SCUBE1: variants seen among roughly 807,000 people sequenced by gnomAD.
The protein encoded by SCUBE1 is signal peptide, CUB and EGF-like domain-containing protein 1.
A neutral mutation model predicts 124.4 loss-of-function variants in SCUBE1; 59 were observed. The observed-to-expected ratio is 0.47, with a 90% CI of 0.38 to 0.59. SCUBE1 has a LOEUF of 0.59. Among genes scored for constraint, SCUBE1 ranks in the 20% least tolerant of loss-of-function variants. SCUBE1 has a pLI of 0.00. For synonymous variants in SCUBE1, 545 were observed against 550.9 expected (o/e 0.99, Z 0.15); for missense variants, 1,150 against 1,371.2 (o/e 0.84, Z 2.55).
chr22:43,288,171 T>C (rs1286045765), intron 4 of SCUBE1, among the ~76,000 whole-genome samples: 2 of 152,194 alleles, frequency 1.3e-5, no homozygotes, highest in Non-Finnish European at 2.9e-5. Flanking sequence ...TTAATGCAGA[T>C]TGGGACTGAG....
rs756192107 is a variant in SCUBE1 at position 43,218,388 on chromosome 22, G to C, written c.1758C>G (p.Arg586=). The C allele has an allele frequency of 1.8e-5, 29 of 1,613,404 alleles. No individual in the cohort carries two copies. The highest frequency in any genetic ancestry group is 2.4e-5 in the Non-Finnish European group (28 of 1,180,050). ...QSLQAAIKTL[R]KSIGRQQFYV... is the part of the protein sequence containing the mutation. ...AGAACTGCTGCCGGCCGATGGACTTGCGCAGGGTCTTGATGGCGGCCTGCA... is the reference window on the plus strand; with the variant it reads ...AGAACTGCTGCCGGCCGATGGACTTCCGCAGGGTCTTGATGGCGGCCTGCA... The change falls in exon 15 of 22, where the codon CGC becomes CGG. Residue 586 remains arginine (R), a synonymous_variant. Transcript: ENST00000360835.
chr22:43,304,332 CT>C (rs1182434530), intron 3 of SCUBE1, among the ~76,000 whole-genome samples: 3 of 152,384 alleles, frequency 2.0e-5, no homozygotes, highest in African/African-American at 7.2e-5. Context: ...AGGCACCACA[CT>C]GGTGCATGGG....
intron 2 of SCUBE1, among the ~76,000 whole-genome samples, chr22:43,337,861 A>C (rs1478009559): frequency 6.6e-6 from 1 of 152,120 alleles, no homozygotes; most frequent in East Asian, 1.9e-4. Flanking sequence ...CAAATATCAA[A>C]CTTGGAAAAA....
rs1002875845 is a variant in SCUBE1 at position 43,273,361 on chromosome 22, G to A, written c.485-10516C>T. Among the ~76,000 whole-genome samples, 4 of 152,214 alleles carry A rather than the reference G, an allele frequency of 2.6e-5. No individual in the cohort carries two copies. In the South Asian group the frequency reaches 8.3e-4, roughly 32 times the overall value. On this transcript the variant is annotated intron_variant, in intron 4 of 21. Transcript: ENST00000360835. ...CCTAGAAAGCTGCCTCTGTGAAATG[G>A]GAGGTGGTTCTGTCTCTGACAGTTG...
chr22:43,331,282 A>G (rs923770534), intron 2 of SCUBE1, among the ~76,000 whole-genome samples: 1 of 152,192 alleles, frequency 6.6e-6, no homozygotes, highest in African/African-American at 2.4e-5. Flanking sequence ...TAATTTTGTG[A>G]TATCTGATGG....
intron 15 of SCUBE1, among the ~76,000 whole-genome samples, chr22:43,215,206 GC>G (rs1913103906): frequency 1.3e-5 from 2 of 152,220 alleles, no homozygotes; most frequent in African/African-American, 4.8e-5. Context: ...GAGGCTCGCA[GC>G]ATGTGTGTGG....
In SCUBE1 at chr22:43,203,923, T is replaced by C. The variant is rs576747519; in HGVS notation, c.*74A>G. The C allele has an allele frequency of 9.3e-6, 14 of 1,505,468 alleles. No homozygotes were observed. In the South Asian group the frequency reaches 1.3e-4, roughly 14 times the overall value. 93.3% of individuals were successfully genotyped at this position (1,505,468 alleles called of 1,614,324 possible). A position where few individuals can be genotyped will look rare whatever the true frequency, so the allele number is the denominator to read the frequency against. On this transcript the variant is annotated 3_prime_UTR_variant, in exon 22 of 22. Coordinates refer to ENST00000360835, the MANE Select transcript of SCUBE1 (RefSeq NM_173050.5). ...GTTCCCAAGGTGGTGTGGAGGCCCATGCAGCTCCCACTGTGGAGGGCAGGT... is the reference window on the plus strand; with the variant it reads ...GTTCCCAAGGTGGTGTGGAGGCCCACGCAGCTCCCACTGTGGAGGGCAGGT...
chr22:43,289,744 C>T (rs1381067550), intron 4 of SCUBE1, among the ~76,000 whole-genome samples: 1 of 152,206 alleles, frequency 6.6e-6, no homozygotes, highest in Non-Finnish European at 1.5e-5. Flanking sequence ...CCCCATTTTG[C>T]AGGCGAGGAA....
At position 43,198,884 on chromosome 22, in the gene SCUBE1, T is replaced by G; in HGVS notation, c.*5113A>C. 1 of 382,318 alleles carries G rather than the reference T, an allele frequency of 2.6e-6. No homozygotes were observed. The highest frequency in any genetic ancestry group is 5.2e-6 in the Non-Finnish European group (1 of 192,432). The allele number at this position is 382,318 out of a possible 1,614,324, so 23.7% of individuals were successfully genotyped here. ...TGTCTGTCTGCTGTCTGGGGCAGTT[T>G]GCTGTCTGCTTTCCGGGGCAGTTTG... On this transcript the variant is annotated 3_prime_UTR_variant, in exon 22 of 22. Transcript: ENST00000360835.
chr22:43,296,139 C>T (rs1925549828), intron 3 of SCUBE1, among the ~76,000 whole-genome samples: 1 of 152,238 alleles, frequency 6.6e-6, no homozygotes, highest in African/African-American at 2.4e-5. Flanking sequence ...AGCGAGGCTG[C>T]TCTGTGGCCT....
At chr22:43,332,024 T>C (rs965305482) in intron 2 of SCUBE1, among the ~76,000 whole-genome samples, 4 of 152,174 alleles carry the variant, frequency 2.6e-5, no homozygotes, top group East Asian at 1.9e-4. Context: ...CGGTGGCTCA[T>C]GCCTATAATC....
Position 43,242,637 on chromosome 22 carries a change from G to A in SCUBE1, c.728-3683C>T, listed in dbSNP as rs139945000. ...CACACTTGTGGAGGGCGGCTCAGGC[G>A]CCTGGGACTGGGAAGAGGAGGAGGA... On this transcript the variant is annotated intron_variant, in intron 6 of 21. Transcript: ENST00000360835. Among the ~76,000 whole-genome samples, 9 of 152,338 alleles carry A rather than the reference G, an allele frequency of 5.9e-5. No individual in the cohort carries two copies. The East Asian group carries it at 1.7e-3, about 29-fold the overall frequency.
chr22:43,298,425 G>C (rs1291688035), intron 3 of SCUBE1, among the ~76,000 whole-genome samples: 1 of 152,210 alleles, frequency 6.6e-6, no homozygotes, highest in Non-Finnish European at 1.5e-5. Context: ...CTCAGGGTGG[G>C]AGATGAGGCG....
In SCUBE1 at chr22:43,292,556, A is replaced by AACACACACACACACACAC. The variant is rs3985926; in HGVS notation, c.350-1394_350-1377dup. Among the ~76,000 whole-genome samples, 159 of 139,668 alleles carry AACACACACACACACACAC rather than the reference A, an allele frequency of 1.1e-3. 2 individuals are homozygous for AACACACACACACACACAC. The highest frequency in any genetic ancestry group is 3.6e-3 in the Middle Eastern group (1 of 274). 91.6% of individuals were successfully genotyped at this position (139,668 alleles called of 152,430 possible). The stretch of plus-strand genomic sequence containing the variant: ...TGCTTCTAGCCAATCCCCGGTCCCT[A>AACACACACACACACACAC]ACACACACACACACACACACACACA... On this transcript the variant is annotated intron_variant, in intron 3 of 21. Coordinates refer to ENST00000360835, the MANE Select transcript of SCUBE1 (RefSeq NM_173050.5).
intron 6 of SCUBE1, among the ~76,000 whole-genome samples, chr22:43,245,685 C>T (rs1299442886): frequency 6.6e-6 from 1 of 152,194 alleles, no homozygotes; most frequent in Non-Finnish European, 1.5e-5. Context: ...AGTACACAGC[C>T]CCGTGACTCT....
intron 2 of SCUBE1, among the ~76,000 whole-genome samples, chr22:43,330,874 A>T (rs780179931): frequency 6.6e-6 from 1 of 152,220 alleles, no homozygotes; most frequent in East Asian, 1.9e-4. Flanking sequence ...GAGCACTTTC[A>T]TCTTCGGCAG....
chr22:43,335,062 C>T (rs1385322933), intron 2 of SCUBE1, among the ~76,000 whole-genome samples: 2 of 152,182 alleles, frequency 1.3e-5, no homozygotes, highest in Admixed American at 6.5e-5. Context: ...TGTGGAGAAA[C>T]AGGTCTGTCA....
chr22:43,317,894 G>C (rs1926407122), intron 3 of SCUBE1, among the ~76,000 whole-genome samples: 1 of 152,170 alleles, frequency 6.6e-6, no homozygotes. Context: ...TCATAAAAAA[G>C]GAAAATTTGG....
At chr22:43,326,270 C>T (rs538370442) in intron 2 of SCUBE1, among the ~76,000 whole-genome samples, 37 of 152,268 alleles carry the variant, frequency 2.4e-4, no homozygotes, top group African/African-American at 8.4e-4. Context: ...CCTGGCTGGG[C>T]GCTAGCACGT....
Sources: gnomAD v4.1 joint callset for allele counts (sites outside exome capture counted in the v4.1 genomes callset) on GRCh38, gnomAD v4.1.1 for gene constraint, MANE v1.5 for transcripts, NCBI Gene and HGNC (gene_info 2026-07-23, HGNC 2026-07-21) for gene names.